The following CMYA5 variants were observed in gnomAD, a reference collection of about 807,000 sequenced individuals.
The protein encoded by CMYA5 is cardiomyopathy-associated protein 5.
A neutral mutation model predicts 318.9 loss-of-function variants in CMYA5; 246 were observed. The observed-to-expected ratio is 0.77, with a 90% confidence interval of 0.70 to 0.86. The LOEUF is 0.86. Ranked by LOEUF, CMYA5 falls within the 40% of genes least tolerant of loss-of-function variation. The probability of loss-of-function intolerance (pLI) is 0.00; values close to 1 mark genes in which losing one functional copy is unlikely to be tolerated. For missense variants in CMYA5, 4,589 were observed against 4,678.2 expected (o/e 0.98, Z 0.56); for synonymous variants, 1,641 against 1,729.5 (o/e 0.95, Z 1.27).
Position 79,733,234 on chromosome 5 carries a change from G to A in CMYA5, c.4469G>A (p.Arg1490Lys), listed in dbSNP as rs759846239. 2 of 1,613,674 alleles carry A rather than the reference G, an allele frequency of 1.2e-6. No individual in the cohort carries two copies. The highest frequency in any genetic ancestry group is 1.7e-6 in the Non-Finnish European group (2 of 1,179,822). Residue 1490 changes from arginine to lysine, a missense_variant, in exon 2 of 13, where the codon AGG (arginine) becomes AAG (lysine). By Grantham distance (26) the Arg-to-Lys change is conservative. Around this residue, in one of 3 missense-constraint regions of CMYA5, gnomAD observed 2,132 missense variants for 2,131.3 expected, o/e 1.00. Transcript: ENST00000446378. ...SQHSDKSEEA[R>K]VEDKQDLLFS... is the part of the protein sequence containing the mutation. The stretch of plus-strand genomic sequence containing the variant: ...CATTCAGATAAATCTGAGGAAGCAA[G>A]GGTAGAAGACAAACAAGATCTTTTA...
intron 1 of CMYA5, among the ~76,000 whole-genome samples, chr5:79,699,265 C>T (rs767429871): frequency 3.3e-5 from 5 of 152,184 alleles, no homozygotes; most frequent in African/African-American, 4.8e-5. Context: ...AGGATCTCAG[C>T]TCCTTCTGTC....
At chr5:79,768,923 A>G (rs1828804945) in intron 9 of CMYA5, among the ~76,000 whole-genome samples, 1 of 151,972 alleles carries the variant, frequency 6.6e-6, no homozygotes, top group Non-Finnish European at 1.5e-5. Context: ...TGTCACTTTC[A>G]GCTACACCAA....
intron 11 of CMYA5, 104 bp from the exon 12 acceptor site, chr5:79,793,333 G>A: frequency 2.6e-6 from 3 of 1,144,616 alleles, no homozygotes; most frequent in Admixed American, 4.2e-5. Context: ...AGTTTCCAAG[G>A]GCAGAATCCT....
rs143493362 is a variant in CMYA5, at chr5:79,721,553, A to G, written c.150-7362A>G. On this transcript the variant is annotated intron_variant, in intron 1 of 12. Transcript: ENST00000446378. ...ATGCTGCTTATAAGCAACATATCTAAAGTATAAAGATATAGGAAGGTTCCA... is the reference window on the plus strand; with the variant it reads ...ATGCTGCTTATAAGCAACATATCTAGAGTATAAAGATATAGGAAGGTTCCA... 2.1e-3 allele frequency among the ~76,000 whole-genome samples: 325 copies of G among 152,310 alleles called. 1 individual carries two copies. The highest frequency in any genetic ancestry group is 7.6e-3 in the African/African-American group (316 of 41,586).
intron 1 of CMYA5, among the ~76,000 whole-genome samples, chr5:79,707,747 C>T (rs949553881): frequency 6.6e-6 from 1 of 152,140 alleles, no homozygotes; most frequent in Non-Finnish European, 1.5e-5. Context: ...CCTTCAAGCC[C>T]CGGAAAGGAA....
At chr5:79,752,609 A>G (rs1828450000) in intron 5 of CMYA5, 67 bp from the exon 6 acceptor site, 3 of 1,204,114 alleles carry the variant, frequency 2.5e-6, no homozygotes, top group Non-Finnish European at 2.4e-6. Context: ...ATTTTGAACA[A>G]TTTTTTTCAC....
At chr5:79,703,030 C>T (rs1286700129) in intron 1 of CMYA5, among the ~76,000 whole-genome samples, 1 of 152,172 alleles carries the variant, frequency 6.6e-6, no homozygotes, top group African/African-American at 2.4e-5. Context: ...TCTCCCCAGG[C>T]CCCCCAAGGT....
chr5:79,730,201 G>C lies in CMYA5; in HGVS notation c.1436G>C (p.Ser479Thr). ...VSAKLTPTHPSVKGEKEENML... is the reference protein window; with the variant it reads ...VSAKLTPTHPTVKGEKEENML... ...GCAAAACTGACCCCTACCCATCCCA[G>C]TGTCAAAGGAGAGAAGGAGGAAAAC... Residue 479 changes from serine to threonine, a missense_variant, in exon 2 of 13, where the codon AGT (serine) becomes ACT (threonine). By Grantham distance (58) the Ser-to-Thr change is moderately conservative. This residue lies in a region of CMYA5 where 2,132 missense variants were observed against 2,131.3 expected (regional missense o/e 1.00). Coordinates refer to ENST00000446378, the MANE Select transcript of CMYA5 (RefSeq NM_153610.5). The C allele has an allele frequency of 1.2e-6, 2 of 1,613,926 alleles. No individual in the cohort carries two copies. Among genetic ancestry groups the C allele is most frequent in the Non-Finnish European group, 1.7e-6 (2 of 1,179,876 alleles).
intron 12 of CMYA5, among the ~76,000 whole-genome samples, chr5:79,795,659 G>C (rs1829262509): frequency 6.6e-6 from 1 of 152,166 alleles, no homozygotes; most frequent in Admixed American, 6.6e-5. Flanking sequence ...TCAGAACTTG[G>C]GTGGGACCAC....
In CMYA5 at chr5:79,733,271, CTG is replaced by C. The variant is rs1482152921; in HGVS notation, c.4509_4510del (p.Cys1503Ter). The C allele has an allele frequency of 6.2e-7, 1 of 1,613,684 alleles. No individual in the cohort carries two copies. Among genetic ancestry groups the C allele is most frequent in the Non-Finnish European group, 8.5e-7 (1 of 1,179,804 alleles). On this transcript the variant is annotated frameshift_variant, in exon 2 of 13. Coordinates refer to ENST00000446378, the MANE Select transcript of CMYA5 (RefSeq NM_153610.5). LOFTEE classifies it high-confidence loss of function. ...DKQDLLFSTVCDSERLVSSQK... is the reference protein window; with the variant it reads ...DKQDLLFSTVXDSERLVSSQK... ...AACAAGATCTTTTATTTTCTACAGTCTGTGACTCTGAACGTTTGGTTTCATCA... is the reference window on the plus strand; with the variant it reads ...AACAAGATCTTTTATTTTCTACAGTCTGACTCTGAACGTTTGGTTTCATCA...
intron 12 of CMYA5, 81 bp from the exon 13 acceptor site, chr5:79,799,289 T>C (rs981017434): frequency 7.1e-7 from 1 of 1,409,846 alleles, no homozygotes; most frequent in Admixed American, 2.3e-5. Context: ...AACTGAAGAA[T>C]TGGTTATTCC....
chr5:79,756,021 C>G (rs1048199620), intron 6 of CMYA5, among the ~76,000 whole-genome samples: 1 of 152,198 alleles, frequency 6.6e-6, no homozygotes, highest in Non-Finnish European at 1.5e-5. Context: ...ACTGTTCATG[C>G]CTCAAGTAAT....
At chr5:79,707,537 C>T (rs12651804) in intron 1 of CMYA5, among the ~76,000 whole-genome samples, 34,276 of 152,022 alleles carry the variant, frequency 0.23, 4,122 homozygotes, top group Admixed American at 0.35. Context: ...TAATTATAGG[C>T]TTATTAATAA....
At chr5:79,762,017 TGAGA>T (rs1828662768) in intron 8 of CMYA5, 60 bp downstream of exon 8, 1 of 1,532,392 alleles carries the variant, frequency 6.5e-7, no homozygotes. Context: ...CACAGACTCT[TGAGA>T]TCAGCCAGTA....
chr5:79,753,309 AGAAGC>A (rs1828467476), intron 6 of CMYA5, among the ~76,000 whole-genome samples: 6 of 152,202 alleles, frequency 3.9e-5, no homozygotes, highest in African/African-American at 1.4e-4. Context: ...CTCAGCTGTC[AGAAGC>A]ATCCTGCCAG....
chr5:79,691,731 T>A (rs190693446), intron 1 of CMYA5, among the ~76,000 whole-genome samples: 2 of 152,290 alleles, frequency 1.3e-5, no homozygotes, highest in African/African-American at 4.8e-5. Flanking sequence ...TCTGAAGAGA[T>A]TGGTTCTGAG....
intron 1 of CMYA5, among the ~76,000 whole-genome samples, chr5:79,699,018 C>T (rs1052986654): frequency 3.3e-5 from 5 of 151,960 alleles, no homozygotes; most frequent in Admixed American, 2.0e-4. Context: ...ATTAGCTGGG[C>T]GTAGTTGCGT....
In CMYA5 at chr5:79,730,944, T is replaced by C; in HGVS notation, c.2179T>C (p.Ser727Pro). The C allele has an allele frequency of 1.2e-6, 2 of 1,614,006 alleles. No individual in the cohort carries two copies. The highest frequency in any genetic ancestry group is 1.7e-6 in the Non-Finnish European group (2 of 1,179,892). Residue 727 changes from serine to proline, a missense_variant, in exon 2 of 13, where the codon TCT (serine) becomes CCT (proline). By Grantham distance (74) the Ser-to-Pro change is moderately conservative. Transcript: ENST00000446378. ...GTCCCCGTTAATATTGAAAGGTGTT[T>C]CTGAGTACATGATTCCATCAGAAGA... ...RKSPLILKGV[S>P]EYMIPSEEKE...
chr5:79,799,651 T>G lies in CMYA5; in HGVS notation c.*35T>G, dbSNP rs1246576463. 1 of 1,584,178 alleles carries G rather than the reference T, an allele frequency of 6.3e-7. No homozygotes were observed. The highest frequency in any genetic ancestry group is 1.8e-5 in the Admixed American group (1 of 56,614). ...TTCAGAATTTGCAAGAACAGCGATT[T>G]GAATTTTGGGGGGGTCTGCTGTTCA... On this transcript the variant is annotated 3_prime_UTR_variant, in exon 13 of 13. Transcript: ENST00000446378.
Sources: allele counts gnomAD v4.1 joint callset (sites outside exome capture counted in the v4.1 genomes callset), GRCh38; gene constraint gnomAD v4.1.1; regional missense constraint gnomAD v4.1.1; transcripts MANE v1.5; gene names NCBI Gene and HGNC (gene_info 2026-07-23, HGNC 2026-07-21).